Variants in CDH6 observed in about 807,000 individuals in gnomAD.
CDH6 encodes the protein cadherin 6, also known as cadherin-6.
CDH6 carries 31 observed loss-of-function variants against 78.0 expected under a neutral mutation model. That is an observed-to-expected ratio of 0.40 (90% CI 0.30 to 0.54). The LOEUF (loss-of-function observed/expected upper bound fraction) is 0.54, where lower values mean the gene tolerates loss of function less well. Among genes scored for constraint, CDH6 ranks in the 20% least tolerant of loss-of-function variants. CDH6 has a pLI of 0.56. For missense variants in CDH6, 724 were observed against 975.9 expected (o/e 0.74, Z 3.44); for synonymous variants, 376 against 368.8 (o/e 1.02, Z -0.23).
intron 2 of CDH6, among the ~76,000 whole-genome samples, chr5:31,287,090 A>G (rs780945929): frequency 3.0e-4 from 45 of 152,136 alleles, no homozygotes; most frequent in Admixed American, 2.0e-3. Flanking sequence ...TCCAGATCTC[A>G]AGAAAATGTT....
chr5:31,237,851 C>A (rs1370297535), intron 1 of CDH6, among the ~76,000 whole-genome samples: 1 of 152,182 alleles, frequency 6.6e-6, no homozygotes, highest in Non-Finnish European at 1.5e-5. Flanking sequence ...CAAATGCGGG[C>A]AGCCTATTCA....
chr5:31,199,685 G>GTGTATATATA (rs796740950), intron 1 of CDH6, among the ~76,000 whole-genome samples: 3,491 of 79,500 alleles, frequency 0.044, 136 homozygotes, highest in South Asian at 0.056. Flanking sequence ...GTGTGTGTGT[G>GTGTATATATA]TATATATATA....
rs991982452 is a variant in CDH6, at chr5:31,317,874, T to C, written c.1832T>C (p.Leu611Pro). The part of the protein sequence containing the change: ...HAEALIHPTG[L>P]STGALVAILL... ...GAGGCGCTCATCCACCCCACGGGAC[T>C]GAGCACGGGGGCTCTGGTTGCCATC... Residue 611 changes from leucine (L) to proline (P), a missense_variant, in exon 11 of 12, where the codon CTG (leucine) becomes CCG (proline). Physicochemically the swap from Leu to Pro is moderately conservative, Grantham distance 98. Coordinates refer to ENST00000265071, the MANE Select transcript of CDH6 (RefSeq NM_004932.4). 2.5e-6 allele frequency: 4 copies of C among 1,613,962 alleles called. No individual in the cohort carries two copies. The African/African-American group carries it at 5.3e-5, about 22-fold the overall frequency.
chr5:31,206,550 T>A (rs140143497), intron 1 of CDH6, among the ~76,000 whole-genome samples: 1 of 152,280 alleles, frequency 6.6e-6, no homozygotes, highest in African/African-American at 2.4e-5. Flanking sequence ...GTTTGAAAGG[T>A]TCAGATTCAT....
chr5:31,304,627 G>A (rs2149953560), intron 6 of CDH6, among the ~76,000 whole-genome samples: 1 of 146,104 alleles, frequency 6.8e-6, no homozygotes, highest in South Asian at 2.3e-4. Context: ...AGTGGTTGCA[G>A]TGAGCCGAGA....
At chr5:31,313,475 C>A in intron 8 of CDH6, 21 bp downstream of exon 8, 3 of 1,607,448 alleles carry the variant, frequency 1.9e-6, no homozygotes, top group Non-Finnish European at 2.6e-6. Context: ...CCTAATACCG[C>A]TGCTGTCCCC....
intron 1 of CDH6, among the ~76,000 whole-genome samples, chr5:31,234,689 A>G (rs1255828945): frequency 6.6e-6 from 1 of 152,180 alleles, no homozygotes; most frequent in Non-Finnish European, 1.5e-5. Context: ...GTTTTTATAA[A>G]AATAGACCTT....
intron 5 of CDH6, among the ~76,000 whole-genome samples, chr5:31,301,230 T>C (rs10076800): frequency 0.023 from 3,430 of 152,366 alleles, 145 homozygotes; most frequent in African/African-American, 0.078. Context: ...TTACTATTAC[T>C]GAACGCCTAC....
intron 1 of CDH6, among the ~76,000 whole-genome samples, chr5:31,233,891 C>A (rs1741384231): frequency 6.6e-6 from 1 of 152,190 alleles, no homozygotes; most frequent in South Asian, 2.1e-4. Context: ...CATTCACTTG[C>A]TTCGAGTGTG....
intron 1 of CDH6, among the ~76,000 whole-genome samples, chr5:31,263,593 T>C (rs915441407): frequency 6.6e-6 from 1 of 152,002 alleles, no homozygotes; most frequent in Non-Finnish European, 1.5e-5. Context: ...TCTCTTCCTC[T>C]TCTTATAAAG....
chr5:31,224,683 A>C (rs1741099386), intron 1 of CDH6, among the ~76,000 whole-genome samples: 1 of 152,028 alleles, frequency 6.6e-6, no homozygotes, highest in African/African-American at 2.4e-5. Flanking sequence ...CCTCCCAAGT[A>C]GCTGGGACTA....
intron 4 of CDH6, among the ~76,000 whole-genome samples, chr5:31,298,413 T>C (rs2149949696): frequency 6.6e-6 from 1 of 152,172 alleles, no homozygotes; most frequent in East Asian, 1.9e-4. Flanking sequence ...GGATGAAAAA[T>C]TAGAATTATT....
At chr5:31,310,342 A>G (rs1274214425) in intron 7 of CDH6, among the ~76,000 whole-genome samples, 1 of 152,236 alleles carries the variant, frequency 6.6e-6, no homozygotes, top group African/African-American at 2.4e-5. Flanking sequence ...GTGGGCTCCC[A>G]TGGCCTTGGG....
At chr5:31,315,302 T>A in intron 8 of CDH6, among the ~76,000 whole-genome samples, 1 of 152,256 alleles carries the variant, frequency 6.6e-6, no homozygotes, top group East Asian at 1.9e-4. Flanking sequence ...ATCTTTGTTA[T>A]GTTTCCTACG....
chr5:31,273,138 C>A (rs1742577315), intron 2 of CDH6, among the ~76,000 whole-genome samples: 1 of 152,180 alleles, frequency 6.6e-6, no homozygotes, highest in South Asian at 2.1e-4. Flanking sequence ...ACTATAATTA[C>A]ATGATCCAAA....
At chr5:31,212,984 A>G (rs546069632) in intron 1 of CDH6, among the ~76,000 whole-genome samples, 19 of 152,278 alleles carry the variant, frequency 1.2e-4, no homozygotes, top group African/African-American at 4.1e-4. Context: ...ATCTTCAACA[A>G]GTACTGATTG....
intron 8 of CDH6, among the ~76,000 whole-genome samples, chr5:31,313,806 G>C (rs1738224638): frequency 6.6e-6 from 1 of 151,662 alleles, no homozygotes. Context: ...TGTGTGTGGG[G>C]GCAAAAGATG....
At chr5:31,238,292 A>G (rs1052070232) in intron 1 of CDH6, among the ~76,000 whole-genome samples, 4 of 152,224 alleles carry the variant, frequency 2.6e-5, no homozygotes, top group African/African-American at 9.6e-5. Flanking sequence ...TGGGAGAGCC[A>G]GAATAATGCC....
chr5:31,273,361 A>G (rs1364802156), intron 2 of CDH6, among the ~76,000 whole-genome samples: 1 of 152,238 alleles, frequency 6.6e-6, no homozygotes. Flanking sequence ...AGATGAAAGC[A>G]TCGTCATAGC....
Sources: gnomAD v4.1 joint callset for allele counts (sites outside exome capture counted in the v4.1 genomes callset) on GRCh38, gnomAD v4.1.1 for gene constraint, MANE v1.5 for transcripts, NCBI Gene and HGNC (gene_info 2026-07-23, HGNC 2026-07-21) for gene names.